BNIP3L: variants seen among roughly 807,000 people sequenced by gnomAD.
The protein encoded by BNIP3L is BCL2 interacting protein 3 like, also known as BCL2/adenovirus E1B 19 kDa protein-interacting protein 3-like.
Under a neutral mutation model 25.5 loss-of-function variants are expected in BNIP3L, and 10 were observed. The ratio of observed to expected loss-of-function variants is 0.39; its 90% CI spans 0.24 to 0.67. The LOEUF is 0.67. Ranked by LOEUF, BNIP3L falls within the 30% of genes least tolerant of loss-of-function variation. The pLI is 0.45. For synonymous variants in BNIP3L, 113 were observed against 101.2 expected (o/e 1.12, Z -0.70); for missense variants, 215 against 270.9 (o/e 0.79, Z 1.45).
intron 3 of BNIP3L, among the ~76,000 whole-genome samples, chr8:26,398,679 C>A (rs1806302353): frequency 7.0e-6 from 1 of 142,138 alleles, no homozygotes; most frequent in South Asian, 2.4e-4. Context: ...ATCAATGAAT[C>A]CAGGAGCTGG....
At chr8:26,396,928 A>C (rs1336316357) in intron 3 of BNIP3L, among the ~76,000 whole-genome samples, 1 of 82,416 alleles carries the variant, frequency 1.2e-5, no homozygotes, top group Non-Finnish European at 2.4e-5. Flanking sequence ...GAGAAAAAAG[A>C]ATAAAAAGAA....
chr8:26,407,476 G>A (rs142600503), intron 3 of BNIP3L, among the ~76,000 whole-genome samples: 610 of 151,870 alleles, frequency 4.0e-3, no homozygotes, highest in African/African-American at 0.014. Context: ...GTGAGCCACC[G>A]CACCCAGCGT....
intron 3 of BNIP3L, among the ~76,000 whole-genome samples, chr8:26,396,585 A>T (rs1315209165): frequency 6.7e-6 from 1 of 148,170 alleles, no homozygotes; most frequent in Non-Finnish European, 1.5e-5. Flanking sequence ...CTCCAAAGGA[A>T]CGCAGTTCCT....
chr8:26,410,407 T>A lies in BNIP3L; in HGVS notation c.655T>A (p.Tyr219Asn). 6.2e-7 allele frequency: 1 copy of A among 1,614,116 alleles called. No individual in the cohort carries two copies. Among genetic ancestry groups the A allele is most frequent in the Non-Finnish European group, 8.5e-7 (1 of 1,180,002 alleles). The change falls in exon 6 of 6, where the codon TAC (tyrosine) becomes AAC (asparagine). Residue 219 changes from tyrosine (Y) to asparagine (N), a missense_variant. Transcript: ENST00000380629. ...ACTGAGCACACCCTCTGCCAGCACC[T>A]ACTGAGGGAAAGGAAAAGCCCCTGG... Reference protein sequence around the residue: ...KRLSTPSASTY With the variant: ...KRLSTPSASTN
intron 1 of BNIP3L, among the ~76,000 whole-genome samples, chr8:26,389,480 A>G (rs886436118): frequency 6.6e-6 from 1 of 152,046 alleles, no homozygotes; most frequent in Non-Finnish European, 1.5e-5. Flanking sequence ...TGTCCATTTT[A>G]TGTGTGTATA....
intron 3 of BNIP3L, among the ~76,000 whole-genome samples, chr8:26,400,603 G>T (rs1379385099): frequency 1.4e-5 from 2 of 141,260 alleles, no homozygotes; most frequent in African/African-American, 5.3e-5. Flanking sequence ...CACAGCAAAA[G>T]AAACTACCAT....
At position 26,408,119 on chromosome 8, in the gene BNIP3L, TTTC is replaced by T. The variant is rs1317126526; in HGVS notation, c.461+19_461+21del. 5 of 1,613,212 alleles carry T rather than the reference TTTC, an allele frequency of 3.1e-6. No individual in the cohort carries two copies. The highest frequency in any genetic ancestry group is 4.2e-6 in the Non-Finnish European group (5 of 1,179,276). On this transcript the variant is annotated intron_variant, in intron 4 of 5. Coordinates refer to ENST00000380629, the MANE Select transcript of BNIP3L (RefSeq NM_004331.3). ...TTCCACCCAAGTGAGTTCTCACATG[TTTC>T]TTGTCAGTGGACACAGTTGATCTGC...
At chr8:26,383,807 C>T (rs1052344309) in intron 1 of BNIP3L, among the ~76,000 whole-genome samples, 2 of 152,144 alleles carry the variant, frequency 1.3e-5, no homozygotes, top group Non-Finnish European at 2.9e-5. Context: ...CTAGGGTTGG[C>T]TTCAGTCACG....
At chr8:26,391,738 A>G (rs1298646948) in intron 2 of BNIP3L, among the ~76,000 whole-genome samples, 3 of 151,902 alleles carry the variant, frequency 2.0e-5, no homozygotes, top group Non-Finnish European at 4.4e-5. Flanking sequence ...ACTTTCCCCC[A>G]TTTTCCTTTG....
chr8:26,408,472 A>G lies in BNIP3L; in HGVS notation c.611+96A>G, dbSNP rs1806548213. 44 of 1,380,330 alleles carry G rather than the reference A, an allele frequency of 3.2e-5. No homozygotes were observed. The South Asian group carries it at 5.7e-4, about 18-fold the overall frequency. 85.5% of individuals were successfully genotyped at this position (1,380,330 alleles called of 1,614,324 possible). The stretch of plus-strand genomic sequence containing the variant: ...ATGTGAAAGCAGTTTTTATTGCTTT[A>G]CTTTCAATGTTTTAGTGCAAATAAG... On this transcript the variant is annotated intron_variant, in intron 5 of 5. Transcript: ENST00000380629.
At chr8:26,400,051 T>C (rs1433256596) in intron 3 of BNIP3L, among the ~76,000 whole-genome samples, 2 of 150,638 alleles carry the variant, frequency 1.3e-5, no homozygotes, top group Non-Finnish European at 3.0e-5. Flanking sequence ...CTTCACAGAA[T>C]TGGAAAAAAC....
intron 1 of BNIP3L, among the ~76,000 whole-genome samples, chr8:26,383,903 T>G (rs958185258): frequency 6.6e-6 from 1 of 152,174 alleles, no homozygotes; most frequent in African/African-American, 2.4e-5. Context: ...AGTGATTTTT[T>G]TTTTTTTAAA....
At chr8:26,391,165 G>T in intron 1 of BNIP3L, 78 bp from the exon 2 acceptor site, 4 of 1,250,898 alleles carry the variant, frequency 3.2e-6, no homozygotes, top group South Asian at 1.8e-5. Context: ...TTCTTATCTG[G>T]ATTCACCATG....
intron 3 of BNIP3L, 36 bp from the exon 4 acceptor site, chr8:26,407,964 T>G: frequency 6.3e-7 from 1 of 1,589,640 alleles, no homozygotes; most frequent in Non-Finnish European, 8.6e-7. Flanking sequence ...GAATTGGTCT[T>G]CCTTTTTTTC....
At chr8:26,383,837 C>T (rs1805918919) in intron 1 of BNIP3L, among the ~76,000 whole-genome samples, 1 of 151,988 alleles carries the variant, frequency 6.6e-6, no homozygotes, top group Non-Finnish European at 1.5e-5. Context: ...AGAGGCTGTG[C>T]CTTGCTTCTC....
chr8:26,386,883 T>A (rs1339939466), intron 1 of BNIP3L, among the ~76,000 whole-genome samples: 2 of 150,318 alleles, frequency 1.3e-5, no homozygotes, highest in Admixed American at 6.6e-5. Flanking sequence ...TTTTCAAAAA[T>A]TTATTTATTT....
chr8:26,383,270 G>C (rs1266836111), intron 1 of BNIP3L, 40 bp downstream of exon 1: 2 of 1,581,262 alleles, frequency 1.3e-6, no homozygotes, highest in South Asian at 2.3e-5. Context: ...GGATGGGGGA[G>C]GAGGAGCAGC....
chr8:26,390,316 T>C (rs928613030), intron 1 of BNIP3L: 1 of 971,040 alleles, frequency 1.0e-6, no homozygotes, highest in Non-Finnish European at 1.2e-6. Context: ...CCAATAAATA[T>C]TTTCAAGATG....
intron 3 of BNIP3L, among the ~76,000 whole-genome samples, chr8:26,405,900 A>G (rs1176158389): frequency 6.6e-6 from 1 of 152,092 alleles, no homozygotes; most frequent in Non-Finnish European, 1.5e-5. Context: ...AAAATTTGCC[A>G]GGTGTAGTGC....
Sources: allele counts gnomAD v4.1 joint callset (sites outside exome capture counted in the v4.1 genomes callset), GRCh38; gene constraint gnomAD v4.1.1; transcripts MANE v1.5; gene names NCBI Gene and HGNC (gene_info 2026-07-23, HGNC 2026-07-21).